PDE1A: variants seen among roughly 807,000 people sequenced by gnomAD.
PDE1A encodes dual specificity calcium/calmodulin-dependent 3',5'-cyclic nucleotide phosphodiesterase 1A.
A neutral mutation model predicts 61.7 loss-of-function variants in PDE1A; 35 were observed. That is an observed-to-expected ratio of 0.57 (90% confidence interval 0.43 to 0.75). PDE1A has a LOEUF of 0.75. Ranked by LOEUF, PDE1A falls within the 30% of genes least tolerant of loss-of-function variation. The pLI, the probability that PDE1A is intolerant of heterozygous loss-of-function variation, is 0.00. For synonymous variants in PDE1A, 232 were observed against 213.2 expected, an observed-to-expected ratio of 1.09 and a Z score of -0.77; for missense variants, 597 against 630.6, an observed-to-expected ratio of 0.95 and a Z score of 0.57.
At chr2:182,167,167 T>A (rs1691693305), downstream of PDE1A, among the ~76,000 whole-genome samples, 1 of 152,144 alleles carries the variant, frequency 6.6e-6, no homozygotes, top group Non-Finnish European at 1.5e-5. Context: ...GGAAACTTCC[T>A]AAATTCCTAC....
chr2:182,170,902 T>G (rs1460061848), intron 13 of PDE1A, among the ~76,000 whole-genome samples: 1 of 152,032 alleles, frequency 6.6e-6, no homozygotes, highest in East Asian at 1.9e-4. Flanking sequence ...TATATAAAGT[T>G]TAATTAGTGA....
the PDE1A span, among the ~76,000 whole-genome samples, chr2:182,558,570 A>G: frequency 6.6e-6 from 1 of 152,232 alleles, no homozygotes; most frequent in African/African-American, 2.4e-5. Flanking sequence ...GTACAAGATC[A>G]TGTCAGTTTT....
chr2:182,395,690 T>C (rs1701664385), intron 1 of PDE1A, among the ~76,000 whole-genome samples: 1 of 152,092 alleles, frequency 6.6e-6, no homozygotes. Flanking sequence ...ACTTGGGCCA[T>C]ATGATCCAGC....
Position 182,264,889 on chromosome 2 carries a change from A to ATATATATATATATATATATATATG in PDE1A, c.54-476_54-475insCATATATATATATATATATATATA, listed in dbSNP as rs1223035626. 1.8e-3 allele frequency among the ~76,000 whole-genome samples: 255 copies of ATATATATATATATATATATATATG among 140,244 alleles called. 3 individuals carry two copies. The highest frequency in any genetic ancestry group is 0.013 in the South Asian group (54 of 4,242). 92.0% of individuals were successfully genotyped at this position (140,244 alleles called of 152,430 possible). A position where few individuals can be genotyped will look rare whatever the true frequency, so the allele number is the denominator to read the frequency against. ...GTGGTATATATATACATATATATAT[A>ATATATATATATATATATATATATG]TATGTATATATATACACCATGGAAT... On this transcript the variant is annotated intron_variant, in intron 1 of 13. Coordinates refer to ENST00000351439, the Ensembl canonical transcript of PDE1A.
At chr2:182,714,658 G>A in the PDE1A span, among the ~76,000 whole-genome samples, 16 of 151,880 alleles carry the variant, frequency 1.1e-4, no homozygotes, top group African/African-American at 2.9e-4. Flanking sequence ...TCTGTCTCCC[G>A]GGTTCAAGCG....
the PDE1A span, among the ~76,000 whole-genome samples, chr2:182,581,085 C>T: frequency 6.6e-6 from 1 of 152,108 alleles, no homozygotes; most frequent in Non-Finnish European, 1.5e-5. Flanking sequence ...TCATTTTCTT[C>T]ATAAATTGAG....
chr2:182,412,911 T>C (rs1702701677), intron 1 of PDE1A, among the ~76,000 whole-genome samples: 1 of 152,118 alleles, frequency 6.6e-6, no homozygotes, highest in Admixed American at 6.5e-5. Flanking sequence ...GCCATGCAAG[T>C]TCAAAGGAAT....
At chr2:182,346,733 A>G (rs1051362755) in intron 1 of PDE1A, among the ~76,000 whole-genome samples, 2 of 152,144 alleles carry the variant, frequency 1.3e-5, no homozygotes, top group Non-Finnish European at 2.9e-5. Flanking sequence ...GTATCTGTGC[A>G]TATTTACATA....
the PDE1A span, among the ~76,000 whole-genome samples, chr2:182,617,186 T>C: frequency 1.3e-5 from 2 of 152,084 alleles, no homozygotes; most frequent in African/African-American, 4.8e-5. Context: ...ATACATGATA[T>C]CAACTTGACC....
chr2:182,184,113 G>A (rs1317010592), intron 13 of PDE1A, among the ~76,000 whole-genome samples: 1 of 151,976 alleles, frequency 6.6e-6, no homozygotes, highest in Non-Finnish European at 1.5e-5. Context: ...AGAATCCTAA[G>A]TTATGCATAA....
chr2:182,716,263 T>A, the PDE1A span: 2 of 152,300 alleles, frequency 1.3e-5, no homozygotes, highest in African/African-American at 4.8e-5. Flanking sequence ...CCGCCCCGGC[T>A]CGCCGTGGAG....
chr2:182,565,669 G>A, the PDE1A span, among the ~76,000 whole-genome samples: 1 of 152,036 alleles, frequency 6.6e-6, no homozygotes, highest in Admixed American at 6.6e-5. Flanking sequence ...AAGGGAGACT[G>A]TTCTTTTTTG....
intron 1 of PDE1A, among the ~76,000 whole-genome samples, chr2:182,308,999 A>G (rs1273614085): frequency 6.6e-6 from 1 of 151,198 alleles, no homozygotes; most frequent in Non-Finnish European, 1.5e-5. Context: ...TCTATTAGTA[A>G]GGTTATGAAA....
the PDE1A span, among the ~76,000 whole-genome samples, chr2:182,574,880 CG>C: frequency 6.6e-6 from 1 of 152,060 alleles, no homozygotes; most frequent in Admixed American, 6.6e-5. Context: ...TTAGTAGAGA[CG>C]GGGTTTCACT....
At chr2:182,493,494 AT>A (rs1185110055) in intron 2 of PDE1A, among the ~76,000 whole-genome samples, 3 of 152,082 alleles carry the variant, frequency 2.0e-5, no homozygotes, top group African/African-American at 7.2e-5. Context: ...AAGTGTTCTC[AT>A]TGTTCAATTC....
intron 1 of PDE1A, among the ~76,000 whole-genome samples, chr2:182,310,424 AG>A: frequency 6.6e-6 from 1 of 152,224 alleles, no homozygotes; most frequent in Admixed American, 6.5e-5. Flanking sequence ...TCATTGAAAA[AG>A]AAAGAAATGC....
At chr2:182,283,293 C>A (rs910575174) in intron 1 of PDE1A, among the ~76,000 whole-genome samples, 3 of 151,776 alleles carry the variant, frequency 2.0e-5, no homozygotes, top group African/African-American at 7.3e-5. Context: ...ATGTTTTGAC[C>A]ACCAAATCTT....
At chr2:182,471,501 AG>A (rs1215608749) in intron 2 of PDE1A, among the ~76,000 whole-genome samples, 1 of 151,776 alleles carries the variant, frequency 6.6e-6, no homozygotes, top group Admixed American at 6.6e-5. Context: ...GTAGGATAGA[AG>A]GTAAGGTAAA....
the PDE1A span, among the ~76,000 whole-genome samples, chr2:182,605,555 G>A: frequency 8.5e-5 from 13 of 152,320 alleles, no homozygotes; most frequent in East Asian, 2.5e-3. Context: ...TGAAATACGG[G>A]TAAGAAATAA....
Sources: allele counts gnomAD v4.1 joint callset (sites outside exome capture counted in the v4.1 genomes callset), GRCh38; gene constraint gnomAD v4.1.1; transcripts MANE v1.5; gene names NCBI Gene and HGNC (gene_info 2026-07-23, HGNC 2026-07-21).